TMEM229B: variants seen among roughly 807,000 people sequenced by gnomAD.
TMEM229B encodes the protein transmembrane protein 229B.
TMEM229B carries 6 observed loss-of-function variants against 13.7 expected under a neutral mutation model. That is an observed-to-expected ratio of 0.44 (90% CI 0.24 to 0.86). The LOEUF (loss-of-function observed/expected upper bound fraction) is 0.86, where lower values mean the gene tolerates loss of function less well. Among genes scored for constraint, TMEM229B ranks in the 40% least tolerant of loss-of-function variants. The pLI, the probability that TMEM229B is intolerant of heterozygous loss-of-function variation, is 0.23. For synonymous variants in TMEM229B, 107 were observed against 102.1 expected (o/e 1.05, Z -0.29); for missense variants, 170 against 236.0 (o/e 0.72, Z 1.83).
At chr14:67,479,650 G>A (rs933738560) in intron 2 of TMEM229B, among the ~76,000 whole-genome samples, 20 of 152,028 alleles carry the variant, frequency 1.3e-4, no homozygotes, top group Admixed American at 7.9e-4. Context: ...CCTGGGAGGC[G>A]GAGGTTGCCG....
At chr14:67,518,798 A>C (rs2033246230), upstream of TMEM229B, among the ~76,000 whole-genome samples, 1 of 152,156 alleles carries the variant, frequency 6.6e-6, no homozygotes. Context: ...CTCTGACCAC[A>C]AGTTAGGAGA....
intron 2 of TMEM229B, among the ~76,000 whole-genome samples, chr14:67,477,049 C>T (rs893225261): frequency 6.6e-6 from 1 of 152,002 alleles, no homozygotes; most frequent in African/African-American, 2.4e-5. Flanking sequence ...GCCTATAATC[C>T]CAGCTACTTA....
upstream of TMEM229B, among the ~76,000 whole-genome samples, chr14:67,493,597 C>G (rs1202676332): frequency 1.3e-5 from 2 of 152,188 alleles, no homozygotes; most frequent in East Asian, 1.9e-4. Context: ...ATTTCCAACA[C>G]TGAGGGTCAG....
chr14:67,491,836 T>C (rs1368392637), upstream of TMEM229B, among the ~76,000 whole-genome samples: 1 of 152,216 alleles, frequency 6.6e-6, no homozygotes, highest in African/African-American at 2.4e-5. Flanking sequence ...CCAGATTCCC[T>C]GAGGGGAAAG....
Position 67,512,397 on chromosome 14 carries a change from T to G in TMEM229B, c.-192+2689A>C, listed in dbSNP as rs1185780431. Among the ~76,000 whole-genome samples the G allele has an allele frequency of 2.6e-5, 4 of 152,374 alleles. No individual in the cohort carries two copies. The East Asian group carries it at 7.7e-4, about 29-fold the overall frequency. On this transcript the variant is annotated intron_variant, in intron 1 of 2. Transcript: ENST00000357461. ...CAGAACATGAGAATCCTGTCTGATA[T>G]TCCCTCCTTAGCCAGGTGTTGCCAC...
At chr14:67,521,780 A>G (rs1399826098) in intron 1 of TMEM229B, among the ~76,000 whole-genome samples, 1 of 152,236 alleles carries the variant, frequency 6.6e-6, no homozygotes, top group Admixed American at 6.5e-5. Context: ...AAAAGAAATC[A>G]AAGTGAGAAT....
chr14:67,496,920 C>G (rs2032413549), intron 1 of TMEM229B, among the ~76,000 whole-genome samples: 1 of 151,990 alleles, frequency 6.6e-6, no homozygotes, highest in Non-Finnish European at 1.5e-5. Context: ...GCCTCAGCGT[C>G]CTGAGTAGCT....
chr14:67,504,876 C>T (rs1448812959), intron 1 of TMEM229B, among the ~76,000 whole-genome samples: 1 of 152,164 alleles, frequency 6.6e-6, no homozygotes, highest in African/African-American at 2.4e-5. Context: ...ACAAGAGCGA[C>T]ACTCCGTCTC....
chr14:67,490,816 T>C (rs2032140343), upstream of TMEM229B, among the ~76,000 whole-genome samples: 1 of 152,032 alleles, frequency 6.6e-6, no homozygotes, highest in Admixed American at 6.5e-5. Context: ...CAAATCTCCC[T>C]GTAAAGGAAA....
chr14:67,475,857 C>T (rs2031160026), intron 2 of TMEM229B, among the ~76,000 whole-genome samples: 1 of 152,244 alleles, frequency 6.6e-6, no homozygotes, highest in African/African-American at 2.4e-5. Flanking sequence ...CAGGTGCCAC[C>T]CCAATGGCTT....
intron 1 of TMEM229B, among the ~76,000 whole-genome samples, chr14:67,506,411 C>T (rs1310261055): frequency 6.6e-6 from 1 of 152,134 alleles, no homozygotes; most frequent in Non-Finnish European, 1.5e-5. Flanking sequence ...TTGATGAGTA[C>T]ATTCCAATGA....
chr14:67,522,876 G>C (rs538343058), intron 1 of TMEM229B, among the ~76,000 whole-genome samples: 2 of 152,336 alleles, frequency 1.3e-5, no homozygotes, highest in South Asian at 4.1e-4. Context: ...TTCAGGAAAG[G>C]CTGCAGAAGC....
chr14:67,473,861 G>A lies in TMEM229B; in HGVS notation c.63C>T (p.Tyr21=), dbSNP rs746527603. 2.5e-6 allele frequency: 4 copies of A among 1,612,486 alleles called. No homozygotes were observed. Among genetic ancestry groups the A allele is most frequent in the African/African-American group, 1.3e-5 (1 of 74,930 alleles). The part of the protein sequence containing the change: ...SRWYLYAIHG[Y]FCEVMFTAAW... ...CCGCTGTGAACATCACCTCGCAGAAGTAGCCGTGGATGGCATACAGGTACC... is the reference window on the plus strand; with the variant it reads ...CCGCTGTGAACATCACCTCGCAGAAATAGCCGTGGATGGCATACAGGTACC... The change falls in exon 3 of 3, where the codon TAC becomes TAT. Residue 21 remains tyrosine, a synonymous_variant. Transcript: ENST00000554480. The surrounding 1 kb of genome is among the most constrained non-coding windows in gnomAD (Gnocchi z 6.5).
intron 1 of TMEM229B, among the ~76,000 whole-genome samples, chr14:67,513,447 T>C (rs2033094151): frequency 6.6e-6 from 1 of 152,174 alleles, no homozygotes; most frequent in Non-Finnish European, 1.5e-5. Flanking sequence ...TCCTTATTGG[T>C]CCTGGAACCT....
intron 1 of TMEM229B, among the ~76,000 whole-genome samples, chr14:67,503,752 G>GGAGTACAGTCGTGCGATCTCA (rs1387786370): frequency 6.6e-6 from 1 of 151,944 alleles, no homozygotes; most frequent in African/African-American, 2.4e-5. Context: ...CACCCAGGCT[G>GGAGTACAGTCGTGCGATCTCA]GAGTACAGTC....
intron 1 of TMEM229B, among the ~76,000 whole-genome samples, chr14:67,511,339 T>C (rs77947764): frequency 0.05 from 6,245 of 124,562 alleles, 168 homozygotes; most frequent in Non-Finnish European, 0.077. Context: ...ACAGCTGAAG[T>C]CTTATTTAAA....
At chr14:67,498,290 G>A (rs2032471504) in intron 1 of TMEM229B, among the ~76,000 whole-genome samples, 1 of 152,030 alleles carries the variant, frequency 6.6e-6, no homozygotes, top group African/African-American at 2.4e-5. Context: ...ATGGGGGGTG[G>A]GCAATCACTC....
intron 1 of TMEM229B, among the ~76,000 whole-genome samples, chr14:67,499,764 G>T (rs932248679): frequency 1.3e-5 from 2 of 152,082 alleles, no homozygotes; most frequent in Non-Finnish European, 2.9e-5. Context: ...CTCTGAGAAG[G>T]GCTGGTTATT....
At chr14:67,475,771 G>A (rs1208355528) in intron 2 of TMEM229B, among the ~76,000 whole-genome samples, 10 of 152,108 alleles carry the variant, frequency 6.6e-5, no homozygotes, top group Admixed American at 6.5e-4. Context: ...TCAACGCCCG[G>A]CTCCCATGCT....
Sources: allele counts gnomAD v4.1 joint callset (sites outside exome capture counted in the v4.1 genomes callset), GRCh38; gene constraint gnomAD v4.1.1; non-coding constraint Gnocchi (gnomAD v3.1); transcripts MANE v1.5; gene names NCBI Gene and HGNC (gene_info 2026-07-23, HGNC 2026-07-21).